NCKAP5: variants seen among roughly 807,000 people sequenced by gnomAD.
NCKAP5 encodes nck-associated protein 5.
A neutral mutation model predicts 167.0 loss-of-function variants in NCKAP5; 92 were observed. That is an observed-to-expected ratio of 0.55 (90% CI 0.47 to 0.66). The LOEUF is 0.66. Ranked by LOEUF, NCKAP5 falls within the 30% of genes least tolerant of loss-of-function variation. The pLI is 0.00. For synonymous variants in NCKAP5, 891 were observed against 877.4 expected (o/e 1.02, Z -0.27); for missense variants, 2,378 against 2,315.0 (o/e 1.03, Z -0.56).
chr2:132,987,142 G>A (rs2077313267), intron 7 of NCKAP5, among the ~76,000 whole-genome samples: 1 of 152,324 alleles, frequency 6.6e-6, no homozygotes, highest in Non-Finnish European at 1.5e-5. Flanking sequence ...CACCCTGTAT[G>A]TAAGTTCCCT....
rs569138202 is a variant in NCKAP5 at position 133,540,055 on chromosome 2, C to T, written c.-62+18995G>A. On this transcript the variant is annotated intron_variant, in intron 2 of 19. Coordinates refer to ENST00000409261, the MANE Select transcript of NCKAP5 (RefSeq NM_207363.3). ...GTTAGCTGGGCGTGGTAGCACGTCC[C>T]TGACAGTCCCAGCTACTCAGGAGGC... Among the ~76,000 whole-genome samples, 15 of 152,238 alleles carry T rather than the reference C, an allele frequency of 9.9e-5. No homozygotes were observed. The East Asian group carries it at 2.9e-3, about 29-fold the overall frequency.
At chr2:133,073,734 T>C (rs1035027992) in intron 6 of NCKAP5, among the ~76,000 whole-genome samples, 4 of 152,184 alleles carry the variant, frequency 2.6e-5, no homozygotes, top group Non-Finnish European at 4.4e-5. Context: ...TCAACAGCTC[T>C]CGAGTGTGAA....
At chr2:133,177,211 C>A (rs1367398851) in intron 5 of NCKAP5, among the ~76,000 whole-genome samples, 1 of 145,874 alleles carries the variant, frequency 6.9e-6, no homozygotes. Context: ...CTGTAAAATG[C>A]ATGTTTTCCA....
At chr2:133,542,148 T>C (rs142002992) in intron 2 of NCKAP5, among the ~76,000 whole-genome samples, 99 of 152,238 alleles carry the variant, frequency 6.5e-4, no homozygotes, top group African/African-American at 2.3e-3. Context: ...GGGATGTCCC[T>C]AAACATAGAA....
intron 3 of NCKAP5, among the ~76,000 whole-genome samples, chr2:133,309,179 C>A (rs1374706104): frequency 1.3e-5 from 2 of 151,872 alleles, no homozygotes; most frequent in East Asian, 3.8e-4. Context: ...ATATTATGGG[C>A]TAATTTAATT....
chr2:133,526,223 G>A (rs1172722657), intron 2 of NCKAP5, among the ~76,000 whole-genome samples: 1 of 123,192 alleles, frequency 8.1e-6, no homozygotes, highest in Non-Finnish European at 1.7e-5. Context: ...AAGGAAGGAA[G>A]GAAGAAAGGA....
intron 5 of NCKAP5, among the ~76,000 whole-genome samples, chr2:133,207,398 T>C (rs552625125): frequency 1.3e-5 from 2 of 152,334 alleles, no homozygotes; most frequent in African/African-American, 2.4e-5. Context: ...CTGTCAATTA[T>C]ATTAATGATT....
At chr2:133,614,665 A>G in the NCKAP5 span, among the ~76,000 whole-genome samples, 1 of 152,248 alleles carries the variant, frequency 6.6e-6, no homozygotes, top group East Asian at 1.9e-4. Context: ...GACCAAATCT[A>G]CGTCTGATTG....
Position 133,370,832 on chromosome 2 carries a change from G to A in NCKAP5, c.70-67722C>T, listed in dbSNP as rs542042570. On this transcript the variant is annotated intron_variant, in intron 3 of 19. Coordinates refer to ENST00000409261, the MANE Select transcript of NCKAP5 (RefSeq NM_207363.3). ...AGACTTAAAGGATTAGATTTCCTTT[G>A]GTTTACTCTTCTCCAGGGAGGGCCC... Among the ~76,000 whole-genome samples the A allele has an allele frequency of 3.7e-4, 56 of 150,186 alleles. 1 individual carries two copies. The highest frequency in any genetic ancestry group is 1.3e-3 in the African/African-American group (54 of 40,866).
chr2:132,978,910 G>A (rs1183085433), intron 7 of NCKAP5, among the ~76,000 whole-genome samples: 1 of 152,184 alleles, frequency 6.6e-6, no homozygotes, highest in Non-Finnish European at 1.5e-5. Flanking sequence ...AGCAAACTTA[G>A]CAGTCCTGTG....
chr2:133,200,195 T>C (rs2150118029), intron 5 of NCKAP5, among the ~76,000 whole-genome samples: 1 of 151,624 alleles, frequency 6.6e-6, no homozygotes, highest in South Asian at 2.1e-4. Context: ...TTCCCTCAAT[T>C]CTAAAGTTTA....
At chr2:133,567,611 T>G (rs1688643042) in intron 1 of NCKAP5, among the ~76,000 whole-genome samples, 1 of 151,612 alleles carries the variant, frequency 6.6e-6, no homozygotes, top group Non-Finnish European at 1.5e-5. Flanking sequence ...CAGTTTCAAT[T>G]TCAAAATATT....
At position 133,469,896 on chromosome 2, in the gene NCKAP5, C is replaced by G. The variant is rs546821396; in HGVS notation, c.69+47562G>C. On this transcript the variant is annotated intron_variant, in intron 3 of 19. Coordinates refer to ENST00000409261, the MANE Select transcript of NCKAP5 (RefSeq NM_207363.3). ...TAAGCACTTCTCTGTATTGGTTATT[C>G]TAGTCATACATTCTTCTAAATTTTT... is the stretch of plus-strand genomic sequence containing the variant. Among the ~76,000 whole-genome samples, 6 of 149,064 alleles carry G rather than the reference C, an allele frequency of 4.0e-5. No homozygotes were observed. In the East Asian group the frequency reaches 1.2e-3, roughly 30 times the overall value.
intron 3 of NCKAP5, among the ~76,000 whole-genome samples, chr2:133,468,694 C>A (rs915289077): frequency 1.5e-4 from 23 of 152,284 alleles, no homozygotes; most frequent in African/African-American, 5.3e-4. Context: ...CTTGGTGCTC[C>A]TGTATTGGGT....
Position 133,348,576 on chromosome 2 carries a change from C to T in NCKAP5, c.70-45466G>A, listed in dbSNP as rs567915315. Among the ~76,000 whole-genome samples, 6 of 152,228 alleles carry T rather than the reference C, an allele frequency of 3.9e-5. No homozygotes were observed. The South Asian group carries it at 1.2e-3, about 32-fold the overall frequency. On this transcript the variant is annotated intron_variant, in intron 3 of 19. Transcript: ENST00000409261. ...GCCCTACTACCCACACTGTGGCCCC[C>T]ATTAGCCCACACGTCATACTACAAT...
intron 16 of NCKAP5, among the ~76,000 whole-genome samples, chr2:132,746,614 C>T (rs1458850571): frequency 6.6e-6 from 1 of 152,074 alleles, no homozygotes; most frequent in Non-Finnish European, 1.5e-5. Flanking sequence ...ACCCATCATG[C>T]AACACAGCTA....
chr2:133,374,131 G>T (rs1023551472), intron 3 of NCKAP5, among the ~76,000 whole-genome samples: 1 of 152,130 alleles, frequency 6.6e-6, no homozygotes, highest in Non-Finnish European at 1.5e-5. Flanking sequence ...ATAGGTGAAC[G>T]GATAAACTGT....
intron 3 of NCKAP5, among the ~76,000 whole-genome samples, chr2:133,414,802 T>C (rs1197922525): frequency 6.6e-6 from 1 of 152,226 alleles, no homozygotes; most frequent in Non-Finnish European, 1.5e-5. Context: ...TGGAATATTA[T>C]AGCACACAAA....
chr2:133,440,089 G>A (rs1342930988), intron 3 of NCKAP5, among the ~76,000 whole-genome samples: 2 of 152,122 alleles, frequency 1.3e-5, no homozygotes, highest in African/African-American at 2.4e-5. Flanking sequence ...ACTGGTGACT[G>A]TGTAAATTGA....
Sources: gnomAD v4.1 joint callset for allele counts (sites outside exome capture counted in the v4.1 genomes callset) on GRCh38, gnomAD v4.1.1 for gene constraint, MANE v1.5 for transcripts, NCBI Gene and HGNC (gene_info 2026-07-23, HGNC 2026-07-21) for gene names.